Variants in DYNC2LI1 observed in about 807,000 individuals in gnomAD.
DYNC2LI1 encodes the protein cytoplasmic dynein 2 light intermediate chain 1.
A neutral mutation model predicts 51.9 loss-of-function variants in DYNC2LI1; 45 were observed. The ratio of observed to expected loss-of-function variants is 0.87; its 90% confidence interval spans 0.68 to 1.11. The LOEUF is 1.11. DYNC2LI1 is among the 50% of genes most tolerant of loss of function. The probability of loss-of-function intolerance (pLI) is 0.00; values close to 1 mark genes in which losing one functional copy is unlikely to be tolerated. For missense variants in DYNC2LI1, 490 were observed against 417.4 expected (o/e 1.17, Z -1.51); for synonymous variants, 130 against 137.8 (o/e 0.94, Z 0.40).
At chr2:43,782,306 A>G (rs115626939) in intron 2 of DYNC2LI1, among the ~76,000 whole-genome samples, 3,083 of 152,204 alleles carry the variant, frequency 0.02, 77 homozygotes, top group African/African-American at 0.062. Flanking sequence ...TTTTTAATAT[A>G]TCTCATTACA....
At chr2:43,779,217 G>C (rs965150438) in intron 2 of DYNC2LI1, among the ~76,000 whole-genome samples, 1 of 152,186 alleles carries the variant, frequency 6.6e-6, no homozygotes, top group African/African-American at 2.4e-5. Context: ...GAGCCATCGT[G>C]ATTGTGCCAC....
chr2:43,785,612 T>C (rs13427334), intron 3 of DYNC2LI1, among the ~76,000 whole-genome samples: 14,782 of 151,932 alleles, frequency 0.097, 898 homozygotes, highest in Admixed American at 0.2. Context: ...CGGGCCCCTG[T>C]AATCCCAGGT....
chr2:43,826,029 G>T, the DYNC2LI1 span, among the ~76,000 whole-genome samples: 3 of 152,136 alleles, frequency 2.0e-5, no homozygotes, highest in Non-Finnish European at 2.9e-5. Context: ...AGGCTAGAGT[G>T]CAATGGCATG....
chr2:43,812,736 A>AT, downstream of DYNC2LI1: 1 of 197,934 alleles, frequency 5.1e-6, no homozygotes, highest in East Asian at 1.3e-4. Context: ...TCCTTGAAAC[A>AT]TTTTATTTTT....
Position 43,776,909 on chromosome 2 carries a change from T to G in DYNC2LI1, c.126+10T>G. ...TGGCAGTAAAAATGGGGTAATGCTTTCTTTTTTTCAATTATTGTGATGATT... is the reference window on the plus strand; with the variant it reads ...TGGCAGTAAAAATGGGGTAATGCTTGCTTTTTTTCAATTATTGTGATGATT... On this transcript the variant is annotated intron_variant, in intron 2 of 12. Transcript: ENST00000260605. 1 of 1,329,660 alleles carries G rather than the reference T, an allele frequency of 7.5e-7. No individual in the cohort carries two copies. Among genetic ancestry groups the G allele is most frequent in the East Asian group, 2.3e-5 (1 of 43,300 alleles). The allele number at this position is 1,329,660 out of a possible 1,614,324, so 82.4% of individuals were successfully genotyped here.
chr2:43,814,344 G>C (rs1245082220), downstream of DYNC2LI1: 2 of 663,872 alleles, frequency 3.0e-6, no homozygotes, highest in Non-Finnish European at 5.3e-6. Context: ...GAAAATGTTG[G>C]ACTGTATTTC....
chr2:43,800,770 C>A, intron 8 of DYNC2LI1, 71 bp from the exon 9 acceptor site: 2 of 792,644 alleles, frequency 2.5e-6, no homozygotes, highest in South Asian at 2.0e-5. Flanking sequence ...TTGTTCAAAG[C>A]CATATTTATT....
intron 10 of DYNC2LI1, among the ~76,000 whole-genome samples, chr2:43,802,396 T>C (rs1666105965): frequency 6.6e-6 from 1 of 151,692 alleles, no homozygotes; most frequent in African/African-American, 2.4e-5. Flanking sequence ...TTTTTGTATT[T>C]CCCATCCTCT....
intron 6 of DYNC2LI1, 132 bp from the exon 7 acceptor site, chr2:43,795,758 T>A: frequency 1.4e-6 from 1 of 696,740 alleles, no homozygotes; most frequent in South Asian, 1.8e-5. Flanking sequence ...TTAGAACAAA[T>A]TCTATGTCAA....
chr2:43,795,604 TA>T (rs1047676521), intron 6 of DYNC2LI1, among the ~76,000 whole-genome samples: 3 of 148,896 alleles, frequency 2.0e-5, no homozygotes, highest in Admixed American at 6.7e-5. Flanking sequence ...TAAAATAGAA[TA>T]AAAAAAAACC....
intron 9 of DYNC2LI1, 25 bp downstream of exon 9, chr2:43,800,942 C>G (rs545118651): frequency 8.8e-5 from 130 of 1,479,890 alleles, no homozygotes; most frequent in Non-Finnish European, 1.2e-4. Context: ...TTTTTTATAT[C>G]ATTTATTGAG....
At chr2:43,811,906 T>C (rs1339564654), downstream of DYNC2LI1, among the ~76,000 whole-genome samples, 2 of 152,212 alleles carry the variant, frequency 1.3e-5, no homozygotes. Flanking sequence ...AACCCATTTT[T>C]AATAACCTAT....
chr2:43,797,052 A>G (rs1293474997), intron 8 of DYNC2LI1, among the ~76,000 whole-genome samples: 1 of 152,222 alleles, frequency 6.6e-6, no homozygotes, highest in East Asian at 1.9e-4. Flanking sequence ...AAGTTTAAAG[A>G]GATAAGTTGA....
At chr2:43,806,297 C>T (rs542356143) in intron 12 of DYNC2LI1, among the ~76,000 whole-genome samples, 5 of 152,146 alleles carry the variant, frequency 3.3e-5, no homozygotes, top group Non-Finnish European at 5.9e-5. Context: ...AGCACTAGAT[C>T]GAAAGCCCCA....
At chr2:43,813,869 C>G (rs537673363), downstream of DYNC2LI1, among the ~76,000 whole-genome samples, 1 of 151,818 alleles carries the variant, frequency 6.6e-6, no homozygotes, top group Non-Finnish European at 1.5e-5. Context: ...CAGGCACGCA[C>G]CACCACGCCT....
At chr2:43,828,104 G>A in the DYNC2LI1 span, 1 of 1,614,022 alleles carries the variant, frequency 6.2e-7, no homozygotes, top group African/African-American at 1.3e-5. Context: ...GCTCTGCCAT[G>A]ACGGCCTCCA....
the DYNC2LI1 span, among the ~76,000 whole-genome samples, chr2:43,822,015 C>T: frequency 2.6e-5 from 4 of 152,128 alleles, no homozygotes; most frequent in Admixed American, 2.6e-4. Flanking sequence ...ATTTTGGCTG[C>T]ATTTTCATCT....
chr2:43,783,255 G>A (rs190065611), intron 2 of DYNC2LI1, among the ~76,000 whole-genome samples: 43 of 152,302 alleles, frequency 2.8e-4, no homozygotes, highest in African/African-American at 9.6e-4. Context: ...CCACTTAAGT[G>A]AGGTATGATT....
chr2:43,825,267 C>G, the DYNC2LI1 span, among the ~76,000 whole-genome samples: 12 of 152,304 alleles, frequency 7.9e-5, no homozygotes, highest in East Asian at 2.3e-3. Context: ...CATGCTGCCT[C>G]CCATCCTGAC....
Sources: gnomAD v4.1 joint callset for allele counts (sites outside exome capture counted in the v4.1 genomes callset) on GRCh38, gnomAD v4.1.1 for gene constraint, MANE v1.5 for transcripts, NCBI Gene and HGNC (gene_info 2026-07-23, HGNC 2026-07-21) for gene names.